The following ARHGAP26 variants were observed in gnomAD, a reference collection of about 807,000 sequenced individuals.
The protein encoded by ARHGAP26 is Rho GTPase activating protein 26, also known as rho GTPase-activating protein 26.
A neutral mutation model predicts 104.8 loss-of-function variants in ARHGAP26; 38 were observed. The ratio of observed to expected loss-of-function variants is 0.36; its 90% CI spans 0.28 to 0.48. ARHGAP26 has a LOEUF of 0.48. Ranked by LOEUF, ARHGAP26 falls within the 20% of genes least tolerant of loss-of-function variation. The pLI, the probability that ARHGAP26 is intolerant of heterozygous loss-of-function variation, is 0.99. For synonymous variants in ARHGAP26, 341 were observed against 340.0 expected (o/e 1.00, Z -0.03); for missense variants, 704 against 947.9 (o/e 0.74, Z 3.38).
intron 1 of ARHGAP26, among the ~76,000 whole-genome samples, chr5:142,827,066 G>A (rs1767428485): frequency 6.7e-6 from 1 of 150,346 alleles, no homozygotes; most frequent in Non-Finnish European, 1.5e-5. Context: ...TGGGTTGGCT[G>A]TTTTTCATCT....
intron 17 of ARHGAP26, among the ~76,000 whole-genome samples, chr5:143,112,209 C>G (rs1220565119): frequency 6.6e-6 from 1 of 152,044 alleles, no homozygotes; most frequent in Non-Finnish European, 1.5e-5. Context: ...GGGACCTGAC[C>G]TAGAGTGAGG....
At chr5:143,123,844 A>C (rs1249291209) in intron 18 of ARHGAP26, among the ~76,000 whole-genome samples, 3 of 152,214 alleles carry the variant, frequency 2.0e-5, no homozygotes, top group African/African-American at 7.2e-5. Context: ...TGACAGTGAG[A>C]TCCTGCATCT....
At chr5:143,005,221 A>G (rs1031288357) in intron 11 of ARHGAP26, among the ~76,000 whole-genome samples, 12 of 152,344 alleles carry the variant, frequency 7.9e-5, no homozygotes, top group African/African-American at 2.6e-4. Flanking sequence ...CTCAAATGAT[A>G]CCATCAGAAT....
chr5:142,963,179 T>TATATATATATATATATAC (rs1770600907), intron 11 of ARHGAP26, among the ~76,000 whole-genome samples: 1 of 104,126 alleles, frequency 9.6e-6, no homozygotes, highest in African/African-American at 5.8e-5. Context: ...TATGTATATA[T>TATATATATATATATATAC]ATATATATAT....
chr5:142,947,677 A>G (rs1372453446), intron 11 of ARHGAP26, among the ~76,000 whole-genome samples: 1 of 152,136 alleles, frequency 6.6e-6, no homozygotes, highest in Non-Finnish European at 1.5e-5. Context: ...TTTTCTGTTA[A>G]CTAGTCTATA....
chr5:143,042,524 T>G (rs760129069), intron 14 of ARHGAP26, among the ~76,000 whole-genome samples: 2 of 152,200 alleles, frequency 1.3e-5, no homozygotes, highest in Non-Finnish European at 2.9e-5. Context: ...CAAATTTGCT[T>G]AGGCTGCAGA....
intron 20 of ARHGAP26, among the ~76,000 whole-genome samples, chr5:143,161,995 T>C (rs1031415658): frequency 6.6e-6 from 1 of 152,214 alleles, no homozygotes; most frequent in Non-Finnish European, 1.5e-5. Flanking sequence ...TTGGCAAGTC[T>C]GTCATCATAT....
intron 1 of ARHGAP26, among the ~76,000 whole-genome samples, chr5:142,804,365 G>A (rs429465): frequency 0.19 from 29,503 of 152,124 alleles, 4,273 homozygotes; most frequent in African/African-American, 0.4. Flanking sequence ...GTCTAACCAG[G>A]GATGCTTCTG....
At chr5:143,044,604 C>T (rs994656449) in intron 14 of ARHGAP26, among the ~76,000 whole-genome samples, 2 of 145,714 alleles carry the variant, frequency 1.4e-5, no homozygotes, top group African/African-American at 5.2e-5. Context: ...GGGGTGGGGA[C>T]GGGGTTAGTC....
In ARHGAP26 at chr5:142,901,949, G is replaced by A. The variant is rs768526521; in HGVS notation, c.612G>A (p.Leu204=). 1 of 1,613,896 alleles carries A rather than the reference G, an allele frequency of 6.2e-7. No individual in the cohort carries two copies. The highest frequency in any genetic ancestry group is 8.5e-7 in the Non-Finnish European group (1 of 1,179,822). ...FEFVEPLLAF[L]QGLFTFYHHG... ...CTTCATTACAGCTGCTGGCCTTCCT[G>A]CAAGGACTCTTCACTTTCTATCACC... is the stretch of plus-strand genomic sequence containing the variant. The change falls in exon 7 of 23, where the codon CTG becomes CTA. Residue 204 remains leucine (L), a synonymous_variant. Transcript: ENST00000645722.
intron 17 of ARHGAP26, among the ~76,000 whole-genome samples, chr5:143,101,924 A>G (rs1793299365): frequency 6.6e-6 from 1 of 150,700 alleles, no homozygotes; most frequent in Non-Finnish European, 1.5e-5. Context: ...AGCAGCTACT[A>G]TGGCAACAGG....
intron 17 of ARHGAP26, among the ~76,000 whole-genome samples, chr5:143,062,269 A>G (rs2150325457): frequency 6.6e-6 from 1 of 152,346 alleles, no homozygotes; most frequent in African/African-American, 2.4e-5. Flanking sequence ...GGTAATGAAG[A>G]GGGCAAAATT....
rs1811739154 is a variant in ARHGAP26, at chr5:143,227,158, C to T, written c.*4712C>T. The T allele has an allele frequency of 8.7e-6, 2 of 230,196 alleles. No individual in the cohort carries two copies. Among genetic ancestry groups the T allele is most frequent in the Non-Finnish European group, 8.6e-6 (1 of 116,238 alleles). The allele number at this position is 230,196 out of a possible 1,614,324, so 14.3% of individuals were successfully genotyped here. Reference sequence around the variant, plus strand: ...ACTGAGTTTTGTGGACATGGCACTCCCGGAGACAGCAGTGGCCACCATGGC... The same window carrying T: ...ACTGAGTTTTGTGGACATGGCACTCTCGGAGACAGCAGTGGCCACCATGGC... On this transcript the variant is annotated 3_prime_UTR_variant, in exon 23 of 23. Transcript: ENST00000645722.
intron 17 of ARHGAP26, chr5:143,058,074 A>G (rs1786117063): frequency 1.9e-6 from 1 of 538,012 alleles, no homozygotes; most frequent in Admixed American, 2.4e-5. Flanking sequence ...TTGTGGGATT[A>G]TATGTTCTTA....
chr5:143,159,522 G>A (rs2151052896), intron 20 of ARHGAP26, among the ~76,000 whole-genome samples: 1 of 152,332 alleles, frequency 6.6e-6, no homozygotes, highest in East Asian at 1.9e-4. Context: ...AGGACAGTGT[G>A]CAGCTGTGAC....
chr5:142,920,179 T>C (rs1763014836), intron 10 of ARHGAP26, among the ~76,000 whole-genome samples: 1 of 152,220 alleles, frequency 6.6e-6, no homozygotes, highest in Non-Finnish European at 1.5e-5. Flanking sequence ...GGATTTAGTG[T>C]AAAATTTCTG....
At chr5:143,088,614 C>T (rs112894785) in intron 17 of ARHGAP26, among the ~76,000 whole-genome samples, 18 of 152,026 alleles carry the variant, frequency 1.2e-4, no homozygotes, top group Admixed American at 2.6e-4. Context: ...GTTTCGGTGC[C>T]GCAAAAGGAA....
chr5:143,151,846 C>A (rs895625050), intron 20 of ARHGAP26, among the ~76,000 whole-genome samples: 2 of 152,092 alleles, frequency 1.3e-5, no homozygotes, highest in Non-Finnish European at 2.9e-5. Context: ...TAGTCCCAGG[C>A]TCAGGAGGCT....
At chr5:142,959,442 T>C (rs1303227929) in intron 11 of ARHGAP26, among the ~76,000 whole-genome samples, 1 of 152,220 alleles carries the variant, frequency 6.6e-6, no homozygotes, top group African/African-American at 2.4e-5. Context: ...TCACCTGGAC[T>C]TGGGGCCCTT....
Sources: gnomAD v4.1 joint callset for allele counts (sites outside exome capture counted in the v4.1 genomes callset) on GRCh38, gnomAD v4.1.1 for gene constraint, MANE v1.5 for transcripts, NCBI Gene and HGNC (gene_info 2026-07-23, HGNC 2026-07-21) for gene names.